Variants in FAM20C observed in about 807,000 individuals in gnomAD.
FAM20C encodes extracellular serine/threonine protein kinase FAM20C.
A neutral mutation model predicts 51.5 loss-of-function variants in FAM20C; 40 were observed. The ratio of observed to expected loss-of-function variants is 0.78; its 90% CI spans 0.60 to 1.01. FAM20C has a LOEUF of 1.01. Ranked by LOEUF, FAM20C falls within the 50% of genes least tolerant of loss-of-function variation. The pLI, the probability that FAM20C is intolerant of heterozygous loss-of-function variation, is 0.00. For synonymous variants in FAM20C, 406 were observed against 380.6 expected (o/e 1.07, Z -0.78); for missense variants, 861 against 844.7 (o/e 1.02, Z -0.24).
At chr7:222,855 TG>T (rs1175348299) in intron 3 of FAM20C, among the ~76,000 whole-genome samples, 2 of 141,088 alleles carry the variant, frequency 1.4e-5, no homozygotes, top group Non-Finnish European at 3.1e-5. Context: ...ATGTCCTGTG[TG>T]GGTGCACGTG....
intron 3 of FAM20C, among the ~76,000 whole-genome samples, chr7:232,520 C>T (rs1187180703): frequency 3.3e-5 from 5 of 152,238 alleles, no homozygotes; most frequent in Admixed American, 6.5e-5. Context: ...CTTAGCACAG[C>T]GCTTAGCTCA....
Position 256,782 on chromosome 7 carries a change from C to CG in FAM20C, c.1363+23dup. ...CTCATGGGTACGTCCCGCAGGGGCA[C>CG]GGGGTCCCCGTGTCACTCGCCTTGC... is the stretch of plus-strand genomic sequence containing the variant. On this transcript the variant is annotated intron_variant, in intron 7 of 9. Coordinates refer to ENST00000313766, the MANE Select transcript of FAM20C (RefSeq NM_020223.4). The CG allele has an allele frequency of 6.5e-7, 1 of 1,532,316 alleles. No individual in the cohort carries two copies. The highest frequency in any genetic ancestry group is 8.7e-7 in the Non-Finnish European group (1 of 1,143,544). 94.9% of individuals were successfully genotyped at this position (1,532,316 alleles called of 1,614,324 possible). A position where few individuals can be genotyped will look rare whatever the true frequency, so the allele number is the denominator to read the frequency against.
At chr7:219,494 T>G (rs1303198189) in intron 3 of FAM20C, among the ~76,000 whole-genome samples, 3 of 152,054 alleles carry the variant, frequency 2.0e-5, no homozygotes, top group African/African-American at 7.3e-5. Flanking sequence ...GGAGGCGCGT[T>G]CCCTCTCAGA....
At chr7:200,333 C>T (rs991899848) in intron 2 of FAM20C, among the ~76,000 whole-genome samples, 36 of 152,188 alleles carry the variant, frequency 2.4e-4, no homozygotes, top group African/African-American at 8.2e-4. Flanking sequence ...GCCCATGGCC[C>T]CAGGGCTGGG....
At chr7:231,304 G>T (rs111982694) in intron 3 of FAM20C, among the ~76,000 whole-genome samples, 1,701 of 152,284 alleles carry the variant, frequency 0.011, 31 homozygotes, top group African/African-American at 0.037. Context: ...GGCGGGAGAC[G>T]TCGACTGACA....
intron 3 of FAM20C, among the ~76,000 whole-genome samples, chr7:218,776 A>G (rs1449258638): frequency 6.6e-6 from 1 of 151,540 alleles, no homozygotes. Context: ...CGCACAGATC[A>G]CTCCCGTCCG....
intron 4 of FAM20C, among the ~76,000 whole-genome samples, chr7:247,368 C>T (rs1051633685): frequency 6.6e-5 from 10 of 152,264 alleles, no homozygotes; most frequent in Admixed American, 5.9e-4. Context: ...GAGGCGCCAC[C>T]CTCAGCCCCC....
At position 259,748 on chromosome 7, in the gene FAM20C, A is replaced by G; in HGVS notation, c.1523A>G (p.Tyr508Cys). Reference sequence around the variant, plus strand: ...CTCCCCAGGATCCGGAAGTCCACCTACCTGCGTCTGCAGCTCCTGGCCAAG... The same window carrying G: ...CTCCCCAGGATCCGGAAGTCCACCTGCCTGCGTCTGCAGCTCCTGGCCAAG... Reference protein sequence around the residue: ...QQCCRIRKSTYLRLQLLAKEE... With the variant: ...QQCCRIRKSTCLRLQLLAKEE... Residue 508 changes from tyrosine to cysteine, a missense_variant, in exon 10 of 10, where the codon TAC becomes TGC. Around this residue, in one of 3 missense-constraint regions of FAM20C, gnomAD observed 269 missense variants for 283.8 expected, o/e 0.95. Coordinates refer to ENST00000313766, the MANE Select transcript of FAM20C (RefSeq NM_020223.4). 6.5e-7 allele frequency: 1 copy of G among 1,535,560 alleles called. No individual in the cohort carries two copies. The highest frequency in any genetic ancestry group is 8.7e-7 in the Non-Finnish European group (1 of 1,146,244).
intron 3 of FAM20C, among the ~76,000 whole-genome samples, chr7:245,027 G>A (rs1056745309): frequency 2.6e-5 from 4 of 152,236 alleles, no homozygotes; most frequent in Non-Finnish European, 2.9e-5. Flanking sequence ...CCGAAGGGAC[G>A]TGGACATGAC....
Position 258,640 on chromosome 7 carries a change from T to C in FAM20C, c.1446-6T>C, listed in dbSNP as rs1788744113. 1.3e-6 allele frequency: 2 copies of C among 1,536,782 alleles called. No homozygotes were observed. The highest frequency in any genetic ancestry group is 1.7e-6 in the Non-Finnish European group (2 of 1,146,574). ...GCCCTTGACAATTCTGCTTTTCTTC[T>C]GGAAGGTTTGGGAAGTATTCGCACG... On this transcript the variant is annotated splice_polypyrimidine_tract_variant and splice_region_variant and intron_variant, in intron 8 of 9. Transcript: ENST00000313766.
chr7:228,803 G>A (rs1287654621), intron 3 of FAM20C: 2 of 456,070 alleles, frequency 4.4e-6, no homozygotes, highest in African/African-American at 2.0e-5. Context: ...GACGGCATGA[G>A]TGGGGTCCCG....
chr7:193,815 G>C lies in FAM20C; in HGVS notation c.605+11G>C. On this transcript the variant is annotated intron_variant, in intron 1 of 9. Transcript: ENST00000313766. ...GGAGAACCCGGACTGGTGAGTGGGGGCTGGCAGGTGCCCACCCCCAAGGGA... is the reference window on the plus strand; with the variant it reads ...GGAGAACCCGGACTGGTGAGTGGGGCCTGGCAGGTGCCCACCCCCAAGGGA... The C allele has an allele frequency of 1.3e-6, 2 of 1,553,136 alleles. No homozygotes were observed. The highest frequency in any genetic ancestry group is 1.7e-6 in the Non-Finnish European group (2 of 1,148,660).
intron 3 of FAM20C, among the ~76,000 whole-genome samples, chr7:222,966 C>G (rs1355310287): frequency 6.6e-6 from 1 of 151,742 alleles, no homozygotes; most frequent in Non-Finnish European, 1.5e-5. Flanking sequence ...GGGCGTTCAT[C>G]TGTTGTCATG....
intron 3 of FAM20C, chr7:228,132 CAG>C (rs1787515445): frequency 6.9e-6 from 2 of 290,446 alleles, no homozygotes; most frequent in South Asian, 7.0e-5. Flanking sequence ...GTCAGGCGCA[CAG>C]GCCTGTGCCT....
At position 259,722 on chromosome 7, in the gene FAM20C, C is replaced by G; in HGVS notation, c.1506-9C>G. ...CCCGTGCCAGGCCTGATGCCCCTCT[C>G]CTCCCCAGGATCCGGAAGTCCACCT... is the stretch of plus-strand genomic sequence containing the variant. On this transcript the variant is annotated splice_polypyrimidine_tract_variant and intron_variant, in intron 9 of 9. Transcript: ENST00000313766. 13 of 1,530,020 alleles carry G rather than the reference C, an allele frequency of 8.5e-6. No individual in the cohort carries two copies. Among genetic ancestry groups the G allele is most frequent in the Non-Finnish European group, 1.1e-5 (12 of 1,142,024 alleles). The allele number at this position is 1,530,020 out of a possible 1,614,324, so 94.8% of individuals were successfully genotyped here.
intron 3 of FAM20C, among the ~76,000 whole-genome samples, chr7:213,026 G>C (rs1009916016): frequency 1.3e-5 from 2 of 152,252 alleles, no homozygotes; most frequent in African/African-American, 4.8e-5. Context: ...ATATTCATAA[G>C]TTACTTATTC....
At position 206,773 on chromosome 7, in the gene FAM20C, G is replaced by T. The variant is rs868539488; in HGVS notation, c.785-2125G>T. ...CTGTCCACTGTGACGCGTCTGTCAC[G>T]GTCCCCTCGGCCCCGCACACGTGTC... On this transcript the variant is annotated intron_variant, in intron 2 of 9. Transcript: ENST00000313766. 2.1e-3 allele frequency among the ~76,000 whole-genome samples: 222 copies of T among 106,384 alleles called. 33 individuals are homozygous for T. The highest frequency in any genetic ancestry group is 2.5e-3 in the Non-Finnish European group (136 of 54,292). The allele number at this position is 106,384 out of a possible 152,430, so 69.8% of individuals were successfully genotyped here.
At chr7:206,327 G>A (rs894504858) in intron 2 of FAM20C, among the ~76,000 whole-genome samples, 2 of 152,204 alleles carry the variant, frequency 1.3e-5, no homozygotes, top group East Asian at 1.9e-4. Context: ...GGCAGCAACA[G>A]CAGCCAGGGA....
Position 222,381 on chromosome 7 carries a change from C to T in FAM20C, c.863+13405C>T, listed in dbSNP as rs112697948. On this transcript the variant is annotated intron_variant, in intron 3 of 9. Transcript: ENST00000313766. ...GGGTACTGAGAGCAGCTGGGGTCAC[C>T]GTCAGCCCCCACTGTGGTCCCCAGA... 2.6e-4 allele frequency among the ~76,000 whole-genome samples: 40 copies of T among 152,176 alleles called. 1 individual carries two copies. Among genetic ancestry groups the T allele is most frequent in the African/African-American group, 8.7e-4 (36 of 41,498 alleles).
Sources: allele counts gnomAD v4.1 joint callset (sites outside exome capture counted in the v4.1 genomes callset), GRCh38; gene constraint gnomAD v4.1.1; regional missense constraint gnomAD v4.1.1; transcripts MANE v1.5; gene names NCBI Gene and HGNC (gene_info 2026-07-23, HGNC 2026-07-21).